The following CNTN5 variants were observed in gnomAD, a reference collection of about 807,000 sequenced individuals.
The protein encoded by CNTN5 is contactin-5.
CNTN5 carries 77 observed loss-of-function variants against 129.1 expected under a neutral mutation model. The observed-to-expected ratio is 0.60, with a 90% CI of 0.50 to 0.72. The LOEUF (loss-of-function observed/expected upper bound fraction) is 0.72. Among genes scored for constraint, CNTN5 ranks in the 30% least tolerant of loss-of-function variants. CNTN5 has a pLI of 0.00. For missense variants in CNTN5, 1,478 were observed against 1,328.8 expected (o/e 1.11, Z -1.75); for synonymous variants, 509 against 465.6 (o/e 1.09, Z -1.20).
chr11:99,360,013 C>T (rs189468958), intron 2 of CNTN5, among the ~76,000 whole-genome samples: 1 of 151,978 alleles, frequency 6.6e-6, no homozygotes, highest in East Asian at 1.9e-4. Context: ...TCTCATATAC[C>T]CCATAAATAC....
intron 15 of CNTN5, among the ~76,000 whole-genome samples, chr11:100,211,949 C>T (rs572088846): frequency 1.3e-5 from 2 of 152,202 alleles, no homozygotes; most frequent in East Asian, 1.9e-4. Flanking sequence ...ACACTTTACA[C>T]AGGTGAGATC....
At chr11:99,287,736 A>G (rs1864000187) in intron 1 of CNTN5, among the ~76,000 whole-genome samples, 1 of 152,058 alleles carries the variant, frequency 6.6e-6, no homozygotes, top group South Asian at 2.1e-4. Flanking sequence ...ACTCTACAAT[A>G]GTATATAAGG....
At chr11:100,003,848 G>T (rs141795333) in intron 9 of CNTN5, 47 of 152,236 alleles carry the variant, frequency 3.1e-4, no homozygotes, top group African/African-American at 7.9e-4. Flanking sequence ...ACTCAAGAAG[G>T]TCTCTGTTTA....
chr11:99,119,143 ATTT>A (rs959524234), intron 1 of CNTN5, among the ~76,000 whole-genome samples: 3 of 151,982 alleles, frequency 2.0e-5, no homozygotes, highest in Non-Finnish European at 4.4e-5. Flanking sequence ...CGCTTTATTT[ATTT>A]TTAACACTTA....
chr11:100,039,375 G>T (rs186225870), intron 9 of CNTN5, among the ~76,000 whole-genome samples: 1 of 152,222 alleles, frequency 6.6e-6, no homozygotes, highest in South Asian at 2.1e-4. Flanking sequence ...AGGGTAACCC[G>T]ACCTTTCTCT....
intron 13 of CNTN5, among the ~76,000 whole-genome samples, chr11:100,118,099 GATA>G (rs1307018800): frequency 2.0e-5 from 3 of 151,446 alleles, no homozygotes; most frequent in Non-Finnish European, 3.0e-5. Flanking sequence ...CAAAATTGAA[GATA>G]ATATCTAACG....
rs111799684 is a variant in CNTN5 at position 100,040,549 on chromosome 11, C to G, written c.981-20663C>G. 5.7e-3 allele frequency among the ~76,000 whole-genome samples: 865 copies of G among 152,328 alleles called. 3 individuals are homozygous for G. Among genetic ancestry groups the G allele is most frequent in the Non-Finnish European group, 9.8e-3 (664 of 68,028 alleles). The stretch of plus-strand genomic sequence containing the variant: ...AGGTTACTGCTGTCTTTTTGTTTGT[C>G]TGTGCCCTGCCCCCAGAGGTGGAGC... On this transcript the variant is annotated intron_variant, in intron 9 of 24. Coordinates refer to ENST00000524871, the MANE Select transcript of CNTN5 (RefSeq NM_014361.4).
intron 2 of CNTN5, among the ~76,000 whole-genome samples, chr11:99,401,675 A>G (rs1240974331): frequency 6.6e-6 from 1 of 152,150 alleles, no homozygotes; most frequent in Non-Finnish European, 1.5e-5. Flanking sequence ...TGTGGGTAGT[A>G]TGGACATTTT....
chr11:99,815,379 C>T (rs1039173198), intron 3 of CNTN5, among the ~76,000 whole-genome samples: 1 of 151,294 alleles, frequency 6.6e-6, no homozygotes, highest in Non-Finnish European at 1.5e-5. Context: ...AGTGGGGAAA[C>T]TCTGAGGATA....
intron 1 of CNTN5, among the ~76,000 whole-genome samples, chr11:99,174,322 CCTCTGT>C (rs1857673568): frequency 6.6e-6 from 1 of 152,050 alleles, no homozygotes; most frequent in Non-Finnish European, 1.5e-5. Flanking sequence ...GACACTGTTT[CCTCTGT>C]CTCTGTCTCT....
chr11:99,523,916 A>G, intron 2 of CNTN5, among the ~76,000 whole-genome samples: 1 of 152,132 alleles, frequency 6.6e-6, no homozygotes, highest in East Asian at 1.9e-4. Context: ...AGCAGTCATT[A>G]ATTTGCAAAA....
chr11:100,354,285 C>T (rs1952478479), intron 24 of CNTN5, among the ~76,000 whole-genome samples: 1 of 151,558 alleles, frequency 6.6e-6, no homozygotes, highest in Non-Finnish European at 1.5e-5. Context: ...CTTGAAGAAC[C>T]ACTCCTGATG....
intron 13 of CNTN5, among the ~76,000 whole-genome samples, chr11:100,185,093 T>C (rs61908150): frequency 2.6e-5 from 4 of 152,094 alleles, no homozygotes; most frequent in Non-Finnish European, 4.4e-5. Flanking sequence ...TCCCCATTCA[T>C]GAAGACTGTG....
intron 7 of CNTN5, among the ~76,000 whole-genome samples, chr11:99,928,519 A>G (rs1950114961): frequency 6.6e-6 from 1 of 152,204 alleles, no homozygotes; most frequent in Non-Finnish European, 1.5e-5. Context: ...GTGTACCTCC[A>G]GGCTCAACAC....
chr11:100,243,665 C>T (rs897582156), intron 16 of CNTN5, among the ~76,000 whole-genome samples: 9 of 152,126 alleles, frequency 5.9e-5, no homozygotes, highest in African/African-American at 2.2e-4. Flanking sequence ...CATGAGCAAA[C>T]CATAAGGCAT....
intron 3 of CNTN5, among the ~76,000 whole-genome samples, chr11:99,658,043 A>G (rs1952445840): frequency 6.6e-6 from 1 of 152,016 alleles, no homozygotes; most frequent in Non-Finnish European, 1.5e-5. Context: ...ATATTTATGA[A>G]TCTTTAAGTT....
chr11:99,380,581 C>G (rs1194599581), intron 2 of CNTN5, among the ~76,000 whole-genome samples: 1 of 151,834 alleles, frequency 6.6e-6, no homozygotes, highest in Non-Finnish European at 1.5e-5. Flanking sequence ...AGCAGCCTGG[C>G]CCACATGGTG....
At chr11:99,324,164 A>G (rs930483690) in intron 1 of CNTN5, among the ~76,000 whole-genome samples, 1 of 152,214 alleles carries the variant, frequency 6.6e-6, no homozygotes, top group African/African-American at 2.4e-5. Flanking sequence ...ATAAAGGTCA[A>G]TACCCTTTGG....
At chr11:99,867,222 A>C (rs1452624351) in intron 6 of CNTN5, among the ~76,000 whole-genome samples, 1 of 152,132 alleles carries the variant, frequency 6.6e-6, no homozygotes, top group Non-Finnish European at 1.5e-5. Context: ...CCCACCCTTC[A>C]TATTGTTTTC....
Sources: allele counts gnomAD v4.1 joint callset (sites outside exome capture counted in the v4.1 genomes callset), GRCh38; gene constraint gnomAD v4.1.1; transcripts MANE v1.5; gene names NCBI Gene and HGNC (gene_info 2026-07-23, HGNC 2026-07-21).